The following PCNX2 variants were observed in gnomAD, a reference collection of about 807,000 sequenced individuals.
PCNX2 encodes the protein pecanex 2.
In PCNX2, 168 loss-of-function variants were observed where a neutral mutation model predicts 223.8. That is an observed-to-expected ratio of 0.75 (90% CI 0.66 to 0.85). The LOEUF is 0.85. Among genes scored for constraint, PCNX2 ranks in the 40% least tolerant of loss-of-function variants. The pLI, the probability that PCNX2 is intolerant of heterozygous loss-of-function variation, is 0.00. For synonymous variants in PCNX2, 1,006 were observed against 1,052.6 expected (o/e 0.96, Z 0.86); for missense variants, 2,507 against 2,675.5 (o/e 0.94, Z 1.39).
intron 15 of PCNX2, among the ~76,000 whole-genome samples, chr1:233,185,400 A>G (rs1027662114): frequency 5.3e-5 from 8 of 152,164 alleles, no homozygotes; most frequent in African/African-American, 9.7e-5. Context: ...TCAGTGCTCC[A>G]TGTACCCCAC....
rs191148734 is a variant in PCNX2, at chr1:233,169,515, C to G, written c.3274-8152G>C. ...CAAAAATTAGCCGGGCATGGTGGCG[C>G]GCGCCTGTAGTCCCAGCTACACGGG... On this transcript the variant is annotated intron_variant, in intron 17 of 33. Coordinates refer to ENST00000258229, the MANE Select transcript of PCNX2 (RefSeq NM_014801.4). 2.0e-3 allele frequency among the ~76,000 whole-genome samples: 297 copies of G among 151,120 alleles called. 8 individuals are homozygous for G. In the East Asian group the frequency reaches 0.054, roughly 28 times the overall value.
intron 21 of PCNX2, among the ~76,000 whole-genome samples, chr1:233,123,501 G>A (rs1237899438): frequency 6.6e-6 from 1 of 151,858 alleles, no homozygotes; most frequent in Non-Finnish European, 1.5e-5. Flanking sequence ...AGAATCACTT[G>A]AACCCAGGAG....
At chr1:233,057,766 G>A in intron 23 of PCNX2, 1 of 493,202 alleles carries the variant, frequency 2.0e-6, no homozygotes. Context: ...CAGCTACTTG[G>A]GAGGCTGAAC....
At chr1:233,005,031 A>T (rs1254647561) in intron 28 of PCNX2, among the ~76,000 whole-genome samples, 1 of 152,208 alleles carries the variant, frequency 6.6e-6, no homozygotes, top group Admixed American at 6.5e-5. Context: ...AGGTAGGCTG[A>T]TGCCGAGAGT....
intron 23 of PCNX2, among the ~76,000 whole-genome samples, chr1:233,087,700 G>A (rs1272076946): frequency 2.6e-5 from 4 of 152,150 alleles, no homozygotes; most frequent in South Asian, 2.1e-4. Flanking sequence ...GCCAGAGGAC[G>A]CTGCGTTCTG....
At chr1:233,327,024 G>T in the PCNX2 span, among the ~76,000 whole-genome samples, 2 of 152,212 alleles carry the variant, frequency 1.3e-5, no homozygotes, top group East Asian at 3.9e-4. Flanking sequence ...ATGCACGGTG[G>T]CTCAAACGCA....
chr1:233,237,443 TATTA>T (rs1194157660), intron 8 of PCNX2, among the ~76,000 whole-genome samples: 1 of 152,170 alleles, frequency 6.6e-6, no homozygotes, highest in Non-Finnish European at 1.5e-5. Flanking sequence ...GGTAAGTACT[TATTA>T]GACAAAAGAA....
chr1:233,303,650 T>TC, the PCNX2 span, among the ~76,000 whole-genome samples: 1 of 88,140 alleles, frequency 1.1e-5, no homozygotes, highest in Admixed American at 1.1e-4. Flanking sequence ...CAGGAATTTT[T>TC]TTTTATTATA....
the PCNX2 span, among the ~76,000 whole-genome samples, chr1:233,318,276 T>C: frequency 6.6e-6 from 1 of 152,328 alleles, no homozygotes; most frequent in Admixed American, 6.5e-5. Context: ...TTTCCATTTT[T>C]TAAAGAATTC....
At chr1:232,992,598 C>T (rs1467617859) in intron 32 of PCNX2, among the ~76,000 whole-genome samples, 1 of 152,202 alleles carries the variant, frequency 6.6e-6, no homozygotes, top group Non-Finnish European at 1.5e-5. Context: ...GCTGAGATCA[C>T]AAGTTCTGGG....
In PCNX2 at chr1:232,999,358, C is replaced by A. The variant is rs867083123; in HGVS notation, c.5350G>T (p.Gly1784Ter). Reference protein sequence around the residue: ...VIKVNKECVRGLWAGQQQELI... With the variant: ...VIKVNKECVR Reference sequence around the variant, plus strand: ...TCCTGCTGCTGCCCGGCCCAAAGTCCTCGGACGCATTCTTTGTTAACCTGC... The same window carrying A: ...TCCTGCTGCTGCCCGGCCCAAAGTCATCGGACGCATTCTTTGTTAACCTGC... The change falls in exon 31 of 34, where the codon GGA (glycine) becomes TGA (stop). Residue 1784 changes from glycine to a stop codon, truncating the protein, a stop_gained. Coordinates refer to ENST00000258229, the MANE Select transcript of PCNX2 (RefSeq NM_014801.4). LOFTEE classifies it high-confidence loss of function. 17 of 1,596,502 alleles carry A rather than the reference C, an allele frequency of 1.1e-5. No homozygotes were observed. The Admixed American group carries it at 2.1e-4, about 20-fold the overall frequency.
intron 14 of PCNX2, 110 bp from the exon 15 acceptor site, chr1:233,199,140 G>T: frequency 1.0e-6 from 1 of 976,358 alleles, no homozygotes; most frequent in Non-Finnish European, 1.5e-6. Context: ...GCCTGCTGAA[G>T]GGGTAAATAA....
At chr1:233,182,915 T>C (rs1679884003) in intron 15 of PCNX2, among the ~76,000 whole-genome samples, 1 of 152,120 alleles carries the variant, frequency 6.6e-6, no homozygotes, top group East Asian at 1.9e-4. Flanking sequence ...GTCTCTTTTT[T>C]TTTCAGGGGC....
intron 19 of PCNX2, among the ~76,000 whole-genome samples, chr1:233,156,543 T>C (rs1204404956): frequency 3.3e-5 from 5 of 152,068 alleles, no homozygotes; most frequent in Admixed American, 2.6e-4. Context: ...CAAGTGGTTA[T>C]GGAAGGGAGG....
At chr1:233,018,277 C>A (rs1670755662) in intron 26 of PCNX2, among the ~76,000 whole-genome samples, 1 of 152,010 alleles carries the variant, frequency 6.6e-6, no homozygotes. Flanking sequence ...CTTGCCTCAG[C>A]CTCCCAAAGT....
At chr1:233,120,390 A>C (rs1315125107) in intron 21 of PCNX2, among the ~76,000 whole-genome samples, 1 of 152,124 alleles carries the variant, frequency 6.6e-6, no homozygotes, top group Non-Finnish European at 1.5e-5. Flanking sequence ...TAAAACCACA[A>C]TGAGATATCA....
intron 10 of PCNX2, among the ~76,000 whole-genome samples, chr1:233,220,730 G>A (rs538427236): frequency 1.2e-4 from 18 of 151,974 alleles, no homozygotes; most frequent in Middle Eastern, 3.4e-3. Context: ...ATTTTTTAAC[G>A]AATGAAAAAA....
intron 32 of PCNX2, among the ~76,000 whole-genome samples, chr1:232,996,070 C>T (rs1669865096): frequency 1.3e-5 from 2 of 152,132 alleles, no homozygotes; most frequent in Admixed American, 6.5e-5. Context: ...CCATGTTGGC[C>T]AGGCTGGTCT....
chr1:233,001,643 T>C lies in PCNX2; in HGVS notation c.4991A>G (p.Lys1664Arg), dbSNP rs1198838721. The C allele has an allele frequency of 1.9e-6, 3 of 1,594,778 alleles. No homozygotes were observed. In the East Asian group the frequency reaches 6.7e-5, roughly 36 times the overall value. ...SFLYGLHVLF[K>R]GDFRITARDE... ...ACGTGCTGTTATTCTGAAGTCACCT[T>C]TGAAGAGGACATGGAGGCCATACAG... The change falls in exon 29 of 34, where the codon AAA becomes AGA. Residue 1664 changes from lysine to arginine, a missense_variant. Physicochemically the swap from Lys to Arg is conservative, Grantham distance 26 (BLOSUM62 2). This residue lies in a region of PCNX2 where 1,372 missense variants were observed against 1,509.4 expected (regional missense o/e 0.91). Coordinates refer to ENST00000258229, the MANE Select transcript of PCNX2 (RefSeq NM_014801.4). This position sits in a 1 kb window ranked among gnomAD's most constrained non-coding sequence, Gnocchi z 4.2.
Sources: gnomAD v4.1 joint callset for allele counts (sites outside exome capture counted in the v4.1 genomes callset) on GRCh38, gnomAD v4.1.1 for gene constraint, gnomAD v4.1.1 regional missense constraint, Gnocchi (gnomAD v3.1) non-coding constraint, MANE v1.5 for transcripts, NCBI Gene and HGNC (gene_info 2026-07-23, HGNC 2026-07-21) for gene names.